Variants in ASIC2 observed in about 807,000 individuals in gnomAD.
ASIC2 encodes the protein acid sensing ion channel subunit 2.
In ASIC2, 25 loss-of-function variants were observed where a neutral mutation model predicts 57.3. The observed-to-expected ratio is 0.44, with a 90% CI of 0.32 to 0.61. The LOEUF is 0.61. Among genes scored for constraint, ASIC2 ranks in the 20% least tolerant of loss-of-function variants. The pLI is 0.06. For synonymous variants in ASIC2, 319 were observed against 307.5 expected (o/e 1.04, Z -0.39); for missense variants, 641 against 738.1 (o/e 0.87, Z 1.52).
intron 1 of ASIC2, among the ~76,000 whole-genome samples, chr17:33,267,609 G>A (rs937277197): frequency 1.3e-5 from 2 of 152,222 alleles, no homozygotes; most frequent in African/African-American, 4.8e-5. Flanking sequence ...CAAAGGTGAA[G>A]CAGTAAACAG....
At chr17:33,301,196 A>ATT (rs779633855) in intron 1 of ASIC2, among the ~76,000 whole-genome samples, 2,945 of 141,100 alleles carry the variant, frequency 0.021, 99 homozygotes, top group African/African-American at 0.073. Context: ...TGCCTGGCTA[A>ATT]TTTTTTTTTT....
At chr17:33,288,540 G>C (rs1010375612) in intron 1 of ASIC2, among the ~76,000 whole-genome samples, 1 of 152,124 alleles carries the variant, frequency 6.6e-6, no homozygotes, top group Non-Finnish European at 1.5e-5. Context: ...GTTTGAAGAA[G>C]GGAAACCATG....
At chr17:33,374,318 G>A (rs1909197462) in intron 1 of ASIC2, among the ~76,000 whole-genome samples, 2 of 152,144 alleles carry the variant, frequency 1.3e-5, no homozygotes, top group South Asian at 4.2e-4. Context: ...TTGATTTTTA[G>A]ACTTGCATTT....
At chr17:33,579,259 CT>C (rs1916779228) in intron 1 of ASIC2, among the ~76,000 whole-genome samples, 1 of 137,706 alleles carries the variant, frequency 7.3e-6, no homozygotes, top group African/African-American at 2.9e-5. Context: ...GCACTCCAGC[CT>C]GGGTAGCACG....
At chr17:33,448,143 T>A (rs1912104245) in intron 1 of ASIC2, among the ~76,000 whole-genome samples, 1 of 152,094 alleles carries the variant, frequency 6.6e-6, no homozygotes, top group Admixed American at 6.5e-5. Flanking sequence ...ACCAGGCATT[T>A]GTCCTCTCTG....
At chr17:33,165,732 G>C (rs1403948956) in intron 1 of ASIC2, among the ~76,000 whole-genome samples, 2 of 152,084 alleles carry the variant, frequency 1.3e-5, no homozygotes, top group African/African-American at 4.8e-5. Context: ...TGGTTCCCCT[G>C]CTAACATCTT....
intron 1 of ASIC2, among the ~76,000 whole-genome samples, chr17:33,658,035 A>T (rs1907131224): frequency 6.6e-6 from 1 of 152,196 alleles, no homozygotes; most frequent in East Asian, 1.9e-4. Flanking sequence ...GCAAACCATG[A>T]CAAAGACTTT....
At chr17:33,195,272 A>G (rs954824839) in intron 1 of ASIC2, among the ~76,000 whole-genome samples, 15 of 152,154 alleles carry the variant, frequency 9.9e-5, no homozygotes, top group Admixed American at 2.0e-4. Flanking sequence ...GGGAAGAGAA[A>G]GTCATCCCAC....
At chr17:33,770,481 ATT>A (rs1455910091) in intron 1 of ASIC2, among the ~76,000 whole-genome samples, 1 of 152,188 alleles carries the variant, frequency 6.6e-6, no homozygotes, top group Non-Finnish European at 1.5e-5. Context: ...CACGACTGCT[ATT>A]TGACAGTAAG....
Position 33,725,177 on chromosome 17 carries a change from C to T in ASIC2, c.555+430801G>A, listed in dbSNP as rs773784413. Among the ~76,000 whole-genome samples the T allele has an allele frequency of 9.9e-5, 15 of 152,248 alleles. 1 individual carries two copies. The highest frequency in any genetic ancestry group is 6.5e-4 in the Admixed American group (10 of 15,286). ...CACAGCCTCTCACTGGGGGACCCAGCGGGGCCTGCAGGTGGATGACTGTCA... is the reference window on the plus strand; with the variant it reads ...CACAGCCTCTCACTGGGGGACCCAGTGGGGCCTGCAGGTGGATGACTGTCA... On this transcript the variant is annotated intron_variant, in intron 1 of 9. Transcript: ENST00000359872.
intron 1 of ASIC2, among the ~76,000 whole-genome samples, chr17:33,350,230 T>G (rs1161998858): frequency 1.3e-5 from 2 of 152,208 alleles, no homozygotes; most frequent in East Asian, 3.8e-4. Flanking sequence ...CGGTGTGGCA[T>G]GTGTCTATGC....
Position 33,036,038 on chromosome 17 carries a change from C to T in ASIC2, c.988-7646G>A, listed in dbSNP as rs573240246. ...ATAAACCTGTGCTGTCCAGTTTGTG[C>T]CTGGTTTTGGTCTCTCTCCGGTGCT... On this transcript the variant is annotated intron_variant, in intron 3 of 9. Coordinates refer to ENST00000225823, the MANE Select transcript of ASIC2 (RefSeq NM_183377.2). 7.2e-5 allele frequency among the ~76,000 whole-genome samples: 11 copies of T among 152,266 alleles called. No individual in the cohort carries two copies. The South Asian group carries it at 1.0e-3, about 14-fold the overall frequency.
chr17:33,324,277 G>T (rs1288087208), intron 1 of ASIC2, among the ~76,000 whole-genome samples: 2 of 150,940 alleles, frequency 1.3e-5, no homozygotes, highest in Admixed American at 1.3e-4. Flanking sequence ...GCAGAACAAG[G>T]TTATGGACAG....
At chr17:34,141,451 A>C (rs1912271219) in intron 1 of ASIC2, among the ~76,000 whole-genome samples, 1 of 152,194 alleles carries the variant, frequency 6.6e-6, no homozygotes, top group Non-Finnish European at 1.5e-5. Flanking sequence ...AGAGCCTACC[A>C]TGTGTTACCT....
At chr17:33,603,810 C>G (rs545451671) in intron 1 of ASIC2, among the ~76,000 whole-genome samples, 116 of 152,338 alleles carry the variant, frequency 7.6e-4, no homozygotes, top group Non-Finnish European at 1.2e-3. Context: ...AAAGTCTAAT[C>G]AGCATTACTG....
At chr17:33,671,338 C>T (rs982477085) in intron 1 of ASIC2, among the ~76,000 whole-genome samples, 2 of 152,170 alleles carry the variant, frequency 1.3e-5, no homozygotes, top group Admixed American at 1.3e-4. Context: ...AAAAAAACTC[C>T]TTCAATAATA....
At chr17:33,244,558 A>G (rs1345340689) in intron 1 of ASIC2, among the ~76,000 whole-genome samples, 15 of 152,250 alleles carry the variant, frequency 9.9e-5, no homozygotes, top group Admixed American at 9.8e-4. Context: ...AAGCTCACAC[A>G]CAATCAGCTT....
chr17:33,191,539 T>TAGAAGG lies in ASIC2; in HGVS notation c.709-79478_709-79473dup, dbSNP rs1906417958. On this transcript the variant is annotated intron_variant, in intron 1 of 9. Coordinates refer to ENST00000225823, the MANE Select transcript of ASIC2 (RefSeq NM_183377.2). The stretch of plus-strand genomic sequence containing the variant: ...ATGTTAAAAGAAGAAGAAGAAGGGA[T>TAGAAGG]AGAAGGAGGAGGAGGAGGAGAAAGA... Among the ~76,000 whole-genome samples the TAGAAGG allele has an allele frequency of 2.7e-5, 4 of 147,290 alleles. No individual in the cohort carries two copies. The South Asian group carries it at 8.7e-4, about 32-fold the overall frequency.
chr17:34,067,304 GA>G (rs1309330754), intron 1 of ASIC2, among the ~76,000 whole-genome samples: 1 of 151,988 alleles, frequency 6.6e-6, no homozygotes, highest in Non-Finnish European at 1.5e-5. Context: ...GAAAGAAATT[GA>G]AAAAAGAATA....
Sources: gnomAD v4.1 joint callset for allele counts (sites outside exome capture counted in the v4.1 genomes callset) on GRCh38, gnomAD v4.1.1 for gene constraint, MANE v1.5 for transcripts, NCBI Gene and HGNC (gene_info 2026-07-23, HGNC 2026-07-21) for gene names.